TBC1D30: variants seen among roughly 807,000 people sequenced by gnomAD.
TBC1D30 encodes the protein TBC1 domain family member 30, also known as TBC1 domain family, member 30.
In TBC1D30, 31 loss-of-function variants were observed where a neutral mutation model predicts 63.2. That is an observed-to-expected ratio of 0.49 (90% confidence interval 0.37 to 0.66). The LOEUF (loss-of-function observed/expected upper bound fraction) is 0.66, where lower values mean the gene tolerates loss of function less well. TBC1D30 is among the 30% of genes least tolerant of loss of function. TBC1D30 has a pLI of 0.00. For missense variants in TBC1D30, 810 were observed against 953.6 expected (o/e 0.85, Z 1.98); for synonymous variants, 307 against 361.5 (o/e 0.85, Z 1.71).
upstream of TBC1D30, among the ~76,000 whole-genome samples, chr12:64,823,582 T>C (rs115175885): frequency 0.03 from 4,609 of 152,214 alleles, 218 homozygotes; most frequent in African/African-American, 0.11. Flanking sequence ...CTGCCTTGAC[T>C]TCCCAAAGTG....
intron 1 of TBC1D30, among the ~76,000 whole-genome samples, chr12:64,782,808 T>C (rs1455622860): frequency 6.6e-6 from 1 of 152,234 alleles, no homozygotes; most frequent in Non-Finnish European, 1.5e-5. Flanking sequence ...AGCTAGTTGC[T>C]GGTTAAACCT....
At chr12:64,849,900 C>T (rs1175029125) in intron 8 of TBC1D30, among the ~76,000 whole-genome samples, 1 of 152,148 alleles carries the variant, frequency 6.6e-6, no homozygotes, top group Non-Finnish European at 1.5e-5. Flanking sequence ...TCTTCCTATC[C>T]ATGAGCATGG....
chr12:64,878,484 A>G lies in TBC1D30; in HGVS notation c.*2696A>G, dbSNP rs1565699238. 2.2e-6 allele frequency: 1 copy of G among 456,752 alleles called. No individual in the cohort carries two copies. Among genetic ancestry groups the G allele is most frequent in the Non-Finnish European group, 4.4e-6 (1 of 226,982 alleles). The allele number at this position is 456,752 out of a possible 1,614,324, so 28.3% of individuals were successfully genotyped here. A position where few individuals can be genotyped will look rare whatever the true frequency, so the allele number is the denominator to read the frequency against. On this transcript the variant is annotated 3_prime_UTR_variant, in exon 12 of 12. Transcript: ENST00000539867. ...GCCTCTGCACCTCAGTTCCTCTTAC[A>G]AAAGCCTCCAGATGATCTAAATCTA... is the stretch of plus-strand genomic sequence containing the variant.
chr12:64,865,898 G>T (rs76565022), intron 9 of TBC1D30, among the ~76,000 whole-genome samples: 2 of 152,154 alleles, frequency 1.3e-5, no homozygotes, highest in Non-Finnish European at 2.9e-5. Flanking sequence ...AGGAAGCTCT[G>T]TGTATTCTTG....
intron 10 of TBC1D30, among the ~76,000 whole-genome samples, chr12:64,869,426 A>G (rs1171913006): frequency 6.6e-6 from 1 of 152,062 alleles, no homozygotes; most frequent in African/African-American, 2.4e-5. Flanking sequence ...TGTCTTTGGT[A>G]TGTGCTCTTC....
At chr12:64,815,616 A>G (rs991567689) in intron 2 of TBC1D30, among the ~76,000 whole-genome samples, 1 of 151,978 alleles carries the variant, frequency 6.6e-6, no homozygotes, top group African/African-American at 2.4e-5. Flanking sequence ...TCATGAAAAA[A>G]CTCATAAAGC....
At position 64,843,499 on chromosome 12, in the gene TBC1D30, A is replaced by C. The variant is rs764736894; in HGVS notation, c.1038+14A>C. On this transcript the variant is annotated intron_variant, in intron 8 of 11. Coordinates refer to ENST00000539867, the MANE Select transcript of TBC1D30 (RefSeq NM_015279.2). ...GAACTCATGCAGGTGAGTCGGCAACATGGAGCAGCTTGGCTCGGGGAACCC... is the reference window on the plus strand; with the variant it reads ...GAACTCATGCAGGTGAGTCGGCAACCTGGAGCAGCTTGGCTCGGGGAACCC... The C allele has an allele frequency of 9.8e-6, 15 of 1,534,368 alleles. No homozygotes were observed. In the South Asian group the frequency reaches 1.7e-4, roughly 17 times the overall value.
At chr12:64,841,675 A>G (rs1026807999) in intron 7 of TBC1D30, among the ~76,000 whole-genome samples, 4 of 152,156 alleles carry the variant, frequency 2.6e-5, no homozygotes, top group Non-Finnish European at 5.9e-5. Flanking sequence ...AGCTACTTGC[A>G]GTTCCCCAGA....
chr12:64,856,995 G>T lies in TBC1D30; in HGVS notation c.1039-7673G>T, dbSNP rs563338782. Among the ~76,000 whole-genome samples the T allele has an allele frequency of 1.1e-4, 16 of 152,126 alleles. No individual in the cohort carries two copies. In the South Asian group the frequency reaches 3.1e-3, roughly 30 times the overall value. On this transcript the variant is annotated intron_variant, in intron 8 of 11. Coordinates refer to ENST00000539867, the MANE Select transcript of TBC1D30 (RefSeq NM_015279.2). ...TGGGAGTCACCCTTCAGGGCAGTGG[G>T]CTCCCCACTGCCCCAGGGCAGGTCC... is the stretch of plus-strand genomic sequence containing the variant.
At chr12:64,845,432 A>G (rs1876275148) in intron 8 of TBC1D30, among the ~76,000 whole-genome samples, 1 of 152,100 alleles carries the variant, frequency 6.6e-6, no homozygotes, top group Non-Finnish European at 1.5e-5. Flanking sequence ...GCGGTTCAAC[A>G]ATTGCTCCTG....
At chr12:64,864,828 T>C in intron 9 of TBC1D30, 48 bp downstream of exon 9, 1 of 1,254,600 alleles carries the variant, frequency 8.0e-7, no homozygotes, top group African/African-American at 1.5e-5. Context: ...GGACTTAATA[T>C]CTTAATTTGT....
chr12:64,871,490 C>T (rs2136478486), intron 11 of TBC1D30, among the ~76,000 whole-genome samples: 2 of 151,294 alleles, frequency 1.3e-5, no homozygotes, highest in East Asian at 4.0e-4. Context: ...CCAGAATTAA[C>T]TGAAATATAA....
chr12:64,825,405 G>C (rs1163010809), intron 1 of TBC1D30: 2 of 215,964 alleles, frequency 9.3e-6, no homozygotes, highest in Admixed American at 1.2e-4. Flanking sequence ...GCCAGACCTT[G>C]CGAGAGGTGT....
chr12:64,796,158 T>C (rs546585864), intron 2 of TBC1D30, among the ~76,000 whole-genome samples: 8 of 151,672 alleles, frequency 5.3e-5, no homozygotes, highest in Middle Eastern at 6.8e-3. Context: ...TTTTTTTTTT[T>C]CATTTTGTCA....
At chr12:64,853,285 A>G (rs760880470) in intron 8 of TBC1D30, among the ~76,000 whole-genome samples, 9 of 152,068 alleles carry the variant, frequency 5.9e-5, no homozygotes, top group Admixed American at 2.0e-4. Context: ...CTTTCTTTAC[A>G]CTGTGAGAGG....
chr12:64,780,052 G>A (rs1871189577), upstream of TBC1D30, among the ~76,000 whole-genome samples: 1 of 152,156 alleles, frequency 6.6e-6, no homozygotes, highest in Non-Finnish European at 1.5e-5. Context: ...CTCAATTAAT[G>A]TATCAGTTCG....
chr12:64,799,596 ACT>A (rs1168914452), intron 2 of TBC1D30, among the ~76,000 whole-genome samples: 1 of 152,084 alleles, frequency 6.6e-6, no homozygotes, highest in Non-Finnish European at 1.5e-5. Flanking sequence ...TAATTTTTTA[ACT>A]CTTCGGGAAA....
rs765962297 is a variant in TBC1D30, at chr12:64,870,745, C to T, written c.1435C>T (p.Arg479Trp). 1.9e-5 allele frequency: 29 copies of T among 1,535,882 alleles called. No homozygotes were observed. In the South Asian group the frequency reaches 2.3e-4, roughly 12 times the overall value. Reference protein sequence around the residue: ...RMTTDINALKRQYSRIKKKQQ... With the variant: ...RMTTDINALKWQYSRIKKKQQ... The stretch of plus-strand genomic sequence containing the variant: ...GACCACAGATATCAATGCACTGAAG[C>T]GGCAGTACTCTCGAATTAAAAAGAA... The change falls in exon 11 of 12, where the codon CGG (arginine) becomes TGG (tryptophan). Residue 479 changes from arginine to tryptophan, a missense_variant. Arg to Trp is a moderately radical substitution (Grantham distance 101). Transcript: ENST00000539867.
At chr12:64,762,951 A>G (rs910708042) in intron 1 of TBC1D30, among the ~76,000 whole-genome samples, 2 of 152,108 alleles carry the variant, frequency 1.3e-5, no homozygotes, top group Non-Finnish European at 2.9e-5. Flanking sequence ...TAACATAGGC[A>G]TTTCGTGACA....
Sources: allele counts gnomAD v4.1 joint callset (sites outside exome capture counted in the v4.1 genomes callset), GRCh38; gene constraint gnomAD v4.1.1; transcripts MANE v1.5; gene names NCBI Gene and HGNC (gene_info 2026-07-23, HGNC 2026-07-21).